The following TM2D3 variants were observed in gnomAD, a reference collection of about 807,000 sequenced individuals.
TM2D3 encodes TM2 domain containing 3.
TM2D3 carries 33 observed loss-of-function variants against 27.3 expected under a neutral mutation model. The observed-to-expected ratio is 1.21, with a 90% CI of 0.92 to 1.61. The LOEUF (loss-of-function observed/expected upper bound fraction) is 1.61. Ranked by LOEUF, TM2D3 falls within the 40% of genes most tolerant of loss-of-function variation. TM2D3 has a pLI of 0.00. For synonymous variants in TM2D3, 138 were observed against 122.2 expected (o/e 1.13, Z -0.85); for missense variants, 364 against 320.8 (o/e 1.13, Z -1.03).
intron 2 of TM2D3, chr15:101,651,429 T>C (rs985805791): frequency 1.2e-5 from 5 of 411,980 alleles, no homozygotes; most frequent in Non-Finnish European, 2.2e-5. Flanking sequence ...GTTATTTTGA[T>C]GGATGAAGTG....
At position 101,642,138 on chromosome 15, in the gene TM2D3, G is replaced by A. The variant is rs2141360880; in HGVS notation, c.*341C>T. ...AGTCACAGCTGAAAGACTTTTCAAG[G>A]CAGACTACATTTGGGCTGGAGATAC... On this transcript the variant is annotated 3_prime_UTR_variant, in exon 6 of 6. Transcript: ENST00000333202. The A allele has an allele frequency of 1.0e-6, 1 of 1,001,800 alleles. No individual in the cohort carries two copies. The allele number at this position is 1,001,800 out of a possible 1,614,324, so 62.1% of individuals were successfully genotyped here.
downstream of TM2D3, among the ~76,000 whole-genome samples, chr15:101,637,382 G>GA (rs1296281106): frequency 6.6e-6 from 1 of 152,198 alleles, no homozygotes; most frequent in East Asian, 1.9e-4. Context: ...GAAAAGACCT[G>GA]AAAGGGAAGG....
At position 101,646,774 on chromosome 15, in the gene TM2D3, C is replaced by T. The variant is rs893102518; in HGVS notation, c.453G>A (p.Arg151=). 6.2e-7 allele frequency: 1 copy of T among 1,614,062 alleles called. No homozygotes were observed. The highest frequency in any genetic ancestry group is 1.7e-5 in the Admixed American group (1 of 60,006). The change falls in exon 4 of 6, where the codon CGG becomes CGA. Residue 151 remains arginine, a synonymous_variant. Coordinates refer to ENST00000333202, the MANE Select transcript of TM2D3 (RefSeq NM_078474.3). ...CCGTGCAGTTGGCAGGGTAGCGCTG[C>T]CGAGGACAGGACACCGTCATGCAGC... The part of the protein sequence containing the change: ...STSCMTVSCP[R]QRYPANCTVR...
chr15:101,641,420 T>A (rs1896665427), downstream of TM2D3, among the ~76,000 whole-genome samples: 1 of 152,194 alleles, frequency 6.6e-6, no homozygotes, highest in Admixed American at 6.5e-5. Flanking sequence ...CAGCAAGTGA[T>A]CACTGAAACC....
At chr15:101,637,079 T>A (rs1248860233), downstream of TM2D3, 1 of 201,862 alleles carries the variant, frequency 5.0e-6, no homozygotes, top group Non-Finnish European at 1.1e-5. Context: ...AGTCAATACA[T>A]GTAAGATGCA....
chr15:101,646,431 T>C (rs2141365634), intron 4 of TM2D3: 2 of 159,236 alleles, frequency 1.3e-5, no homozygotes, highest in Non-Finnish European at 2.8e-5. Context: ...GCGGCCGCAA[T>C]GGTATTGGTG....
downstream of TM2D3, among the ~76,000 whole-genome samples, chr15:101,640,566 T>C (rs1429649240): frequency 1.3e-5 from 2 of 152,224 alleles, no homozygotes; most frequent in Non-Finnish European, 2.9e-5. Context: ...CAGAGGCCCA[T>C]GGGATTTGCT....
At chr15:101,649,054 C>A (rs919675610) in intron 3 of TM2D3, among the ~76,000 whole-genome samples, 5 of 152,152 alleles carry the variant, frequency 3.3e-5, no homozygotes, top group African/African-American at 1.2e-4. Flanking sequence ...AAAAAAATTG[C>A]CAATCTAAGG....
At chr15:101,647,764 G>A (rs1434163827) in intron 3 of TM2D3, among the ~76,000 whole-genome samples, 2 of 152,014 alleles carry the variant, frequency 1.3e-5, no homozygotes, top group Non-Finnish European at 2.9e-5. Context: ...TATACTGAAA[G>A]CACTTTGTAG....
intron 4 of TM2D3, chr15:101,636,101 T>C (rs1220346014): frequency 2.0e-5 from 3 of 152,230 alleles, no homozygotes; most frequent in Admixed American, 1.3e-4. Context: ...CAGTACTTCA[T>C]TCCTTTATGT....
downstream of TM2D3, among the ~76,000 whole-genome samples, chr15:101,639,289 T>C (rs1896616997): frequency 2.0e-5 from 3 of 152,082 alleles, no homozygotes. Context: ...CCCCTAACAT[T>C]CATGTGACAC....
chr15:101,633,590 G>A lies in TM2D3; in HGVS notation c.*87C>T, dbSNP rs138308874. 7.4e-5 allele frequency: 83 copies of A among 1,127,144 alleles called. No homozygotes were observed. In the African/African-American group the frequency reaches 7.8e-4, roughly 11 times the overall value. 69.8% of individuals were successfully genotyped at this position (1,127,144 alleles called of 1,614,324 possible). On this transcript the variant is annotated 3_prime_UTR_variant, in exon 5 of 5. Transcript: ENST00000428002. Reference sequence around the variant, plus strand: ...TTCAAGGACTGCTGTGGTTAGGGACGCTCATCTGCAACAACACAGTGTAAT... The same window carrying A: ...TTCAAGGACTGCTGTGGTTAGGGACACTCATCTGCAACAACACAGTGTAAT...
chr15:101,646,039 C>G (rs1896796690), intron 4 of TM2D3: 1 of 152,360 alleles, frequency 6.6e-6, no homozygotes, highest in African/African-American at 2.4e-5. Context: ...GAAGCTCTTG[C>G]ACCTGTGCCA....
At chr15:101,649,051 T>A (rs537494903) in intron 3 of TM2D3, among the ~76,000 whole-genome samples, 1 of 152,140 alleles carries the variant, frequency 6.6e-6, no homozygotes, top group Non-Finnish European at 1.5e-5. Context: ...TAAAAAAAAA[T>A]TGCCAATCTA....
downstream of TM2D3, among the ~76,000 whole-genome samples, chr15:101,639,472 A>C (rs1289792622): frequency 6.6e-6 from 1 of 151,980 alleles, no homozygotes; most frequent in Non-Finnish European, 1.5e-5. Flanking sequence ...TGCATCAGGT[A>C]CAGCTCATTT....
Position 101,652,327 on chromosome 15 carries a change from C to G in TM2D3, c.35G>C (p.Arg12Pro), listed in dbSNP as rs1897012520. 1 of 1,602,006 alleles carries G rather than the reference C, an allele frequency of 6.2e-7. No homozygotes were observed. The highest frequency in any genetic ancestry group is 1.7e-5 in the Admixed American group (1 of 59,442). The change falls in exon 1 of 6, where the codon CGC becomes CCC. Residue 12 changes from arginine to proline, a missense_variant. Physicochemically the swap from Arg to Pro is moderately radical, Grantham distance 103 (BLOSUM62 -2). Coordinates refer to ENST00000333202, the MANE Select transcript of TM2D3 (RefSeq NM_078474.3). Reference sequence around the variant, plus strand: ...GAAGAGCAGCACGCGACACAAGGCGCGGAGGCCCCTCAGCGGGAGCACCCC... The same window carrying G: ...GAAGAGCAGCACGCGACACAAGGCGGGGAGGCCCCTCAGCGGGAGCACCCC... ...AGGVLPLRGL[R>P]ALCRVLLFLS...
At chr15:101,639,570 A>T (rs968921223), downstream of TM2D3, among the ~76,000 whole-genome samples, 1 of 152,198 alleles carries the variant, frequency 6.6e-6, no homozygotes, top group Non-Finnish European at 1.5e-5. Flanking sequence ...AGTCTGGCAT[A>T]AGGCATTAAA....
chr15:101,644,903 C>T (rs1045055834), intron 5 of TM2D3, among the ~76,000 whole-genome samples, 184 bp downstream of exon 5: 1 of 152,120 alleles, frequency 6.6e-6, no homozygotes, highest in Admixed American at 6.5e-5. Flanking sequence ...GCTAACATGC[C>T]TGCCAGTCAA....
At chr15:101,633,188 G>A (rs1220711531) in exon 5 of TM2D3, 1 of 152,480 alleles carries the variant, frequency 6.6e-6, no homozygotes, top group Non-Finnish European at 1.5e-5. Context: ...AAGTAATTCC[G>A]ACAGAAAATA....
Sources: gnomAD v4.1 joint callset for allele counts (sites outside exome capture counted in the v4.1 genomes callset) on GRCh38, gnomAD v4.1.1 for gene constraint, MANE v1.5 for transcripts, NCBI Gene and HGNC (gene_info 2026-07-23, HGNC 2026-07-21) for gene names.